The following SMG7 variants were observed in gnomAD, a reference collection of about 807,000 sequenced individuals.
The protein encoded by SMG7 is nonsense-mediated mRNA decay factor SMG7.
In SMG7, 34 loss-of-function variants were observed where a neutral mutation model predicts 148.2. The observed-to-expected ratio is 0.23, with a 90% confidence interval of 0.17 to 0.31. SMG7 has a LOEUF of 0.31. Ranked by LOEUF, SMG7 falls within the 10% of genes least tolerant of loss-of-function variation. The pLI is 1.00. For synonymous variants in SMG7, 492 were observed against 515.1 expected (o/e 0.96, Z 0.61); for missense variants, 1,114 against 1,408.4 (o/e 0.79, Z 3.35).
chr1:183,505,547 A>G (rs750788842), intron 1 of SMG7, among the ~76,000 whole-genome samples: 17 of 152,126 alleles, frequency 1.1e-4, no homozygotes, highest in Non-Finnish European at 1.9e-4. Flanking sequence ...ACTGCCATCA[A>G]TGTACTGATC....
intron 1 of SMG7, among the ~76,000 whole-genome samples, chr1:183,497,004 A>G (rs1179479487): frequency 2.0e-5 from 3 of 152,146 alleles, no homozygotes; most frequent in Non-Finnish European, 2.9e-5. Context: ...CTCCCTTGGT[A>G]ATGTCATCCC....
Position 183,547,208 on chromosome 1 carries a change from G to C in SMG7, c.2848G>C (p.Ala950Pro). 6.5e-7 allele frequency: 1 copy of C among 1,550,290 alleles called. No individual in the cohort carries two copies. The highest frequency in any genetic ancestry group is 2.4e-5 in the East Asian group (1 of 40,910). The change falls in exon 18 of 23, where the codon GCT becomes CCT. Residue 950 changes from alanine (A) to proline (P), a missense_variant. Physicochemically the swap from Ala to Pro is conservative, Grantham distance 27. This residue lies in a region of SMG7 where 788 missense variants were observed against 894.5 expected (regional missense o/e 0.88). Transcript: ENST00000688051. ...IFSNPPDLYPALLGPLASLPG... is the reference protein window; with the variant it reads ...IFSNPPDLYPPLLGPLASLPG... ...TTCTAACCCTCCTGATCTTTACCCG[G>C]CTCTGCTGGGGCCTCTCGCCTCTCT...
chr1:183,495,962 G>A (rs1200007544), intron 1 of SMG7, among the ~76,000 whole-genome samples: 1 of 152,050 alleles, frequency 6.6e-6, no homozygotes, highest in Non-Finnish European at 1.5e-5. Context: ...ATTGAGGCCT[G>A]TCATGCATTG....
chr1:183,516,839 C>T (rs1663664588), intron 3 of SMG7, among the ~76,000 whole-genome samples: 1 of 152,132 alleles, frequency 6.6e-6, no homozygotes, highest in African/African-American at 2.4e-5. Flanking sequence ...GATTGTCCTC[C>T]TAAGTCATTA....
At chr1:183,520,965 A>G (rs1015275063) in intron 4 of SMG7, among the ~76,000 whole-genome samples, 1 of 152,198 alleles carries the variant, frequency 6.6e-6, no homozygotes, top group Non-Finnish European at 1.5e-5. Flanking sequence ...ACTGCATTCC[A>G]CAGGCAGTGA....
At chr1:183,501,253 A>G (rs1201229815) in intron 1 of SMG7, 1 of 152,172 alleles carries the variant, frequency 6.6e-6, no homozygotes, top group Non-Finnish European at 1.5e-5. Context: ...TTAATCCTCA[A>G]AACACCTCAA....
intron 10 of SMG7, among the ~76,000 whole-genome samples, chr1:183,536,185 G>C (rs186217108): frequency 7.2e-4 from 109 of 152,122 alleles, no homozygotes; most frequent in Admixed American, 1.4e-3. Flanking sequence ...TAAGGAGAAT[G>C]TGATTAGACA....
chr1:183,476,515 A>G (rs1332576271), intron 1 of SMG7, among the ~76,000 whole-genome samples: 3 of 152,216 alleles, frequency 2.0e-5, no homozygotes, highest in Admixed American at 2.0e-4. Context: ...ATAGGAGGCA[A>G]GAAGTCCCAG....
At chr1:183,514,776 A>G (rs1288584367) in intron 2 of SMG7, among the ~76,000 whole-genome samples, 1 of 152,338 alleles carries the variant, frequency 6.6e-6, no homozygotes, top group African/African-American at 2.4e-5. Flanking sequence ...GACTAAATCT[A>G]TTAGTTAGTG....
Position 183,553,528 on chromosome 1 carries a change from G to C in SMG7, c.*1597G>C, listed in dbSNP as rs1269153231. 3.5e-5 allele frequency: 9 copies of C among 258,672 alleles called. No homozygotes were observed. Among genetic ancestry groups the C allele is most frequent in the Non-Finnish European group, 6.8e-5 (9 of 132,962 alleles). The allele number at this position is 258,672 out of a possible 1,614,324, so 16.0% of individuals were successfully genotyped here. A position where few individuals can be genotyped will look rare whatever the true frequency, so the allele number is the denominator to read the frequency against. Reference sequence around the variant, plus strand: ...GAGCAAAGCACATCCAGGAGCCCCAGTTGTCACTGCAGTCTGGGCAACCCC... The same window carrying C: ...GAGCAAAGCACATCCAGGAGCCCCACTTGTCACTGCAGTCTGGGCAACCCC... On this transcript the variant is annotated 3_prime_UTR_variant, in exon 23 of 23. Transcript: ENST00000688051.
chr1:183,547,099 C>G lies in SMG7; in HGVS notation c.2743-4C>G, dbSNP rs1461892961. ...CTTCTCACTGTGATGCTTTCTGTCA[C>G]TAGGACCCCAAGAGCTCCCCTCTGC... On this transcript the variant is annotated splice_region_variant and splice_polypyrimidine_tract_variant and intron_variant, in intron 17 of 22. Transcript: ENST00000688051. 5 of 1,548,196 alleles carry G rather than the reference C, an allele frequency of 3.2e-6. No homozygotes were observed. The Admixed American group carries it at 9.9e-5, about 31-fold the overall frequency.
At position 183,549,261 on chromosome 1, in the gene SMG7, G is replaced by A. The variant is rs1042552746; in HGVS notation, c.2946G>A (p.Leu982=). Residue 982 remains leucine, a synonymous_variant, in exon 19 of 23, where the codon CTG becomes CTA. Coordinates refer to ENST00000688051, the MANE Select transcript of SMG7 (RefSeq NM_001375584.1). ...TCATGTCACATTCATCCTCTTTCCT[G>A]TCCCTCACCGGATTCTCTCTCAATC... ...SELMSHSSSF[L]SLTGFSLNQE... is the part of the protein sequence containing the mutation. The A allele has an allele frequency of 6.2e-7, 1 of 1,613,572 alleles. No individual in the cohort carries two copies. The highest frequency in any genetic ancestry group is 1.3e-5 in the African/African-American group (1 of 75,012).
intron 1 of SMG7, among the ~76,000 whole-genome samples, chr1:183,484,342 AT>A (rs569630223): frequency 4.1e-4 from 60 of 145,322 alleles, no homozygotes; most frequent in African/African-American, 1.4e-3. Context: ...AAAAATTGTT[AT>A]TTTTTTCTGA....
chr1:183,516,179 GAA>G (rs1176837528), intron 3 of SMG7, 188 bp downstream of exon 3: 7 of 517,704 alleles, frequency 1.4e-5, no homozygotes, highest in African/African-American at 7.8e-5. Flanking sequence ...GAGGAGGTAA[GAA>G]GAGAAATGTT....
intron 18 of SMG7, among the ~76,000 whole-genome samples, chr1:183,547,645 GAAAGGA>G (rs1285928777): frequency 6.3e-4 from 96 of 152,242 alleles, no homozygotes; most frequent in Admixed American, 3.3e-3. Flanking sequence ...GCCAAAATAT[GAAAGGA>G]AATATGTTCT....
chr1:183,532,530 C>G (rs1667050834), intron 8 of SMG7, among the ~76,000 whole-genome samples: 1 of 152,144 alleles, frequency 6.6e-6, no homozygotes, highest in South Asian at 2.1e-4. Context: ...GATGATCACG[C>G]ATGTACTTCT....
Position 183,542,387 on chromosome 1 carries a change from G to A in SMG7, c.1727G>A (p.Gly576Glu), listed in dbSNP as rs531696447. Residue 576 changes from glycine (G) to glutamate (E), a missense_variant, in exon 14 of 23, where the codon GGA becomes GAA. This residue lies in a region of SMG7 where 788 missense variants were observed against 894.5 expected (regional missense o/e 0.88). Transcript: ENST00000688051. ...GAGGTGAGAAGGGACTATAGCAAAGGAATAACTGTAACTAAGAATGATGGA... is the reference window on the plus strand; with the variant it reads ...GAGGTGAGAAGGGACTATAGCAAAGAAATAACTGTAACTAAGAATGATGGA... ...PKEVRRDYSK[G>E]ITVTKNDGKK... The A allele has an allele frequency of 6.2e-7, 1 of 1,613,936 alleles. No individual in the cohort carries two copies. The highest frequency in any genetic ancestry group is 1.1e-5 in the South Asian group (1 of 91,066).
Position 183,546,267 on chromosome 1 carries a change from A to G in SMG7, c.2672A>G (p.Asp891Gly). The change falls in exon 17 of 23, where the codon GAC becomes GGC. Residue 891 changes from aspartate (D) to glycine (G), a missense_variant. Transcript: ENST00000688051. ...RSVMAQQANI[D>G]RRGKRSPGVF... ...GTAATGGCACAGCAAGCAAACATAGACCGCAGGGGCAAACGGTCACCAGGA... is the reference window on the plus strand; with the variant it reads ...GTAATGGCACAGCAAGCAAACATAGGCCGCAGGGGCAAACGGTCACCAGGA... 1 of 1,613,998 alleles carries G rather than the reference A, an allele frequency of 6.2e-7. No individual in the cohort carries two copies. Among genetic ancestry groups the G allele is most frequent in the Non-Finnish European group, 8.5e-7 (1 of 1,179,936 alleles).
At chr1:183,493,472 T>C (rs1215840046) in intron 1 of SMG7, among the ~76,000 whole-genome samples, 44 of 152,244 alleles carry the variant, frequency 2.9e-4, no homozygotes, top group Admixed American at 2.9e-3. Flanking sequence ...GAATGTGCCA[T>C]GTGCACTTAC....
Sources: gnomAD v4.1 joint callset for allele counts (sites outside exome capture counted in the v4.1 genomes callset) on GRCh38, gnomAD v4.1.1 for gene constraint, gnomAD v4.1.1 regional missense constraint, MANE v1.5 for transcripts, NCBI Gene and HGNC (gene_info 2026-07-23, HGNC 2026-07-21) for gene names.